Variants in ZBTB17 observed in about 807,000 individuals in gnomAD.
ZBTB17 encodes zinc finger and BTB domain containing 17.
ZBTB17 carries 24 observed loss-of-function variants against 85.1 expected under a neutral mutation model. The ratio of observed to expected loss-of-function variants is 0.28; its 90% CI spans 0.20 to 0.40. ZBTB17 has a LOEUF of 0.40. ZBTB17 is among the 10% of genes least tolerant of loss of function. The pLI is 1.00. For missense variants in ZBTB17, 743 were observed against 1,105.1 expected (o/e 0.67, Z 4.65); for synonymous variants, 464 against 460.2 (o/e 1.01, Z -0.11).
intron 4 of ZBTB17, 102 bp from the exon 5 acceptor site, chr1:15,946,396 G>A (rs2071615542): frequency 1.3e-6 from 2 of 1,517,870 alleles, no homozygotes; most frequent in Admixed American, 3.8e-5. Flanking sequence ...GTCCTCCCTA[G>A]GGTACCTCTA....
Position 15,942,601 on chromosome 1 carries a change from C to CG in ZBTB17, c.1965dup (p.Val656ArgfsTer6). The CG allele has an allele frequency of 6.2e-7, 1 of 1,613,246 alleles. No homozygotes were observed. The highest frequency in any genetic ancestry group is 8.5e-7 in the Non-Finnish European group (1 of 1,180,050). On this transcript the variant is annotated frameshift_variant, in exon 14 of 16. Coordinates refer to ENST00000375743, the MANE Select transcript of ZBTB17 (RefSeq NM_003443.3). LOFTEE classifies it high-confidence loss of function. ...GTGACCATGTCATCCACAGTGACCA[C>CG]GCTGACCTCACTGCCCTCCTCGGGC... is the stretch of plus-strand genomic sequence containing the variant.
chr1:15,963,511 C>T (rs1220356428), intron 2 of ZBTB17, among the ~76,000 whole-genome samples: 1 of 152,152 alleles, frequency 6.6e-6, no homozygotes, highest in African/African-American at 2.4e-5. Context: ...CCACCCTCCA[C>T]CCCATCCCCA....
chr1:15,942,056 G>A lies in ZBTB17; in HGVS notation c.2325C>T (p.Val775=), dbSNP rs2071381213. ...CCTCAGCCCCGTCGCGAGGGCGGAA[G>A]ACCAGCTCCCCAGCCTGCAGCACCT... ...AGQVLQAGEL[V]FRPRDGAEGQ... Residue 775 remains valine, a synonymous_variant, in exon 16 of 16, where the codon GTC becomes GTT. Coordinates refer to ENST00000375743, the MANE Select transcript of ZBTB17 (RefSeq NM_003443.3). The A allele has an allele frequency of 1.2e-6, 2 of 1,612,508 alleles. No homozygotes were observed. Among genetic ancestry groups the A allele is most frequent in the Non-Finnish European group, 8.5e-7 (1 of 1,180,032 alleles).
At chr1:15,974,190 CAAA>C (rs35124967) in intron 1 of ZBTB17, among the ~76,000 whole-genome samples, 1 of 112,700 alleles carries the variant, frequency 8.9e-6, no homozygotes, top group South Asian at 2.9e-4. Context: ...GACGTAGTCT[CAAA>C]AAAAAAAAAC....
At chr1:15,970,826 C>A (rs559701882) in intron 2 of ZBTB17, among the ~76,000 whole-genome samples, 1 of 152,306 alleles carries the variant, frequency 6.6e-6, no homozygotes, top group Admixed American at 6.5e-5. Context: ...GGATTACAGG[C>A]GTAAGCCACC....
intron 13 of ZBTB17, 32 bp downstream of exon 13, chr1:15,943,032 A>C: frequency 6.2e-7 from 1 of 1,610,892 alleles, no homozygotes; most frequent in South Asian, 1.1e-5. Flanking sequence ...AGGGCCTGGG[A>C]AGGAACAGGC....
intron 1 of ZBTB17, among the ~76,000 whole-genome samples, chr1:15,974,674 G>C (rs1348813985): frequency 6.6e-6 from 1 of 151,668 alleles, no homozygotes; most frequent in Non-Finnish European, 1.5e-5. Context: ...TCCTGCGTTC[G>C]AGCGATTCTC....
chr1:15,962,408 A>G (rs553434178), intron 2 of ZBTB17, among the ~76,000 whole-genome samples: 1 of 152,234 alleles, frequency 6.6e-6, no homozygotes, highest in East Asian at 1.9e-4. Context: ...AACCCACAGC[A>G]GCCATGAAGG....
Position 15,973,905 on chromosome 1 carries a change from C to T in ZBTB17, c.-89-780G>A, listed in dbSNP as rs996147919. On this transcript the variant is annotated intron_variant, in intron 1 of 15. Coordinates refer to ENST00000375743, the MANE Select transcript of ZBTB17 (RefSeq NM_003443.3). This position sits in a 1 kb window ranked among gnomAD's most constrained non-coding sequence, Gnocchi z 4.1. Reference sequence around the variant, plus strand: ...ATCTTCCTAATCCACAAATCTGATTCGTGGCCAGGCATGGTTGCACATGCC... The same window carrying T: ...ATCTTCCTAATCCACAAATCTGATTTGTGGCCAGGCATGGTTGCACATGCC... Among the ~76,000 whole-genome samples, 3 of 152,172 alleles carry T rather than the reference C, an allele frequency of 2.0e-5. No homozygotes were observed. Among genetic ancestry groups the T allele is most frequent in the Non-Finnish European group, 4.4e-5 (3 of 68,034 alleles).
chr1:15,946,003 C>T (rs747218804), intron 5 of ZBTB17, 151 bp downstream of exon 5: 7 of 1,546,114 alleles, frequency 4.5e-6, no homozygotes, highest in South Asian at 1.1e-5. Flanking sequence ...GAAACAGACC[C>T]CCTGGAACAC....
chr1:15,944,950 A>G lies in ZBTB17; in HGVS notation c.914T>C (p.Ile305Thr). ...RTESKAYGSV[I>T]HKCEDCGKEF... Reference sequence around the variant, plus strand: ...AGTCTCCCTCACCTCGCACTTGTGGATGACGGAGCCGTAGGCCTTGGACTC... The same window carrying G: ...AGTCTCCCTCACCTCGCACTTGTGGGTGACGGAGCCGTAGGCCTTGGACTC... Residue 305 changes from isoleucine to threonine, a missense_variant, in exon 7 of 16, where the codon ATC becomes ACC. Physicochemically the swap from Ile to Thr is moderately conservative, Grantham distance 89. This residue lies in a region of ZBTB17 where 279 missense variants were observed against 269.9 expected (regional missense o/e 1.03). Transcript: ENST00000375743. The G allele has an allele frequency of 5.1e-6, 8 of 1,578,076 alleles. No homozygotes were observed. The highest frequency in any genetic ancestry group is 6.9e-6 in the Non-Finnish European group (8 of 1,164,706).
intron 8 of ZBTB17, 40 bp from the exon 9 acceptor site, chr1:15,944,640 G>A: frequency 6.2e-7 from 1 of 1,600,946 alleles, no homozygotes; most frequent in African/African-American, 1.3e-5. Context: ...GGCTCGCTGG[G>A]GCGTGAAAGG....
intron 2 of ZBTB17, among the ~76,000 whole-genome samples, chr1:15,960,705 G>A (rs1570175046): frequency 6.6e-6 from 1 of 152,346 alleles, no homozygotes; most frequent in Admixed American, 6.5e-5. Flanking sequence ...CAATCACAAA[G>A]GAAGGGCCGG....
At chr1:15,945,269 G>A in intron 6 of ZBTB17, 67 bp from the exon 7 acceptor site, 1 of 1,522,862 alleles carries the variant, frequency 6.6e-7, no homozygotes, top group Non-Finnish European at 8.8e-7. Context: ...AGGGGCGCCG[G>A]CAACATGTGG....
chr1:15,952,427 G>GCGGCAGAACCGACA lies in ZBTB17; in HGVS notation c.-2-3944_-2-3931dup, dbSNP rs2071892891. ...GGCACACTGACACAGCGGAACAGAC[G>GCGGCAGAACCGACA]CGGCAGAACCGACACGGCGGAACGG... is the stretch of plus-strand genomic sequence containing the variant. On this transcript the variant is annotated intron_variant, in intron 2 of 15. Transcript: ENST00000375743. This position sits in a 1 kb window ranked among gnomAD's most constrained non-coding sequence, Gnocchi z 4.3. 6.6e-6 allele frequency among the ~76,000 whole-genome samples: 1 copy of GCGGCAGAACCGACA among 152,236 alleles called. No homozygotes were observed. Among genetic ancestry groups the GCGGCAGAACCGACA allele is most frequent in the Admixed American group, 6.5e-5 (1 of 15,288 alleles).
At chr1:15,948,739 T>C (rs1338148217) in intron 2 of ZBTB17, among the ~76,000 whole-genome samples, 2 of 152,102 alleles carry the variant, frequency 1.3e-5, no homozygotes, top group East Asian at 3.9e-4. Flanking sequence ...CAAAAAGCAC[T>C]GGGGCACCAA....
chr1:15,950,862 T>G (rs1296613421), intron 2 of ZBTB17, among the ~76,000 whole-genome samples: 1 of 152,192 alleles, frequency 6.6e-6, no homozygotes, highest in African/African-American at 2.4e-5. Flanking sequence ...TGAGCCTCCC[T>G]GTGGCCATGT....
rs186941314 is a variant in ZBTB17, at chr1:15,953,525, C to T, written c.-2-5028G>A. ...TGCGGGTGGGATTTGGAAGGGCTGG[C>T]CCCAGAAAGCACAACCCATTGCATC... On this transcript the variant is annotated intron_variant, in intron 2 of 15. Coordinates refer to ENST00000375743, the MANE Select transcript of ZBTB17 (RefSeq NM_003443.3). This position sits in a 1 kb window ranked among gnomAD's most constrained non-coding sequence, Gnocchi z 5.1. 7.9e-5 allele frequency among the ~76,000 whole-genome samples: 12 copies of T among 152,338 alleles called. No homozygotes were observed. Among genetic ancestry groups the T allele is most frequent in the Admixed American group, 6.5e-4 (10 of 15,308 alleles).
intron 2 of ZBTB17, chr1:15,970,040 G>A (rs1176040668): frequency 2.7e-6 from 2 of 729,090 alleles, no homozygotes; most frequent in South Asian, 1.5e-5. Flanking sequence ...CTGTATGGCT[G>A]CCGTCATATT....
Sources: gnomAD v4.1 joint callset for allele counts (sites outside exome capture counted in the v4.1 genomes callset) on GRCh38, gnomAD v4.1.1 for gene constraint, gnomAD v4.1.1 regional missense constraint, Gnocchi (gnomAD v3.1) non-coding constraint, MANE v1.5 for transcripts, NCBI Gene and HGNC (gene_info 2026-07-23, HGNC 2026-07-21) for gene names.